The following VPS13C variants were observed in gnomAD, a reference collection of about 807,000 sequenced individuals.
VPS13C encodes intermembrane lipid transfer protein VPS13C.
VPS13C carries 358 observed loss-of-function variants against 456.8 expected under a neutral mutation model. The observed-to-expected ratio is 0.78, with a 90% CI of 0.72 to 0.86. The LOEUF (loss-of-function observed/expected upper bound fraction) is 0.86. Among genes scored for constraint, VPS13C ranks in the 40% least tolerant of loss-of-function variants. VPS13C has a pLI of 0.00. For synonymous variants in VPS13C, 1,578 were observed against 1,486.7 expected (o/e 1.06, Z -1.41); for missense variants, 4,818 against 4,385.4 (o/e 1.10, Z -2.79).
chr15:61,906,942 G>GT (rs1263393235), intron 66 of VPS13C: 3 of 272,412 alleles, frequency 1.1e-5, no homozygotes, highest in African/African-American at 6.7e-5. Context: ...AGTGGCATAG[G>GT]TATGTTCAAA....
At chr15:61,861,044 C>T (rs916478353) in intron 82 of VPS13C, among the ~76,000 whole-genome samples, 1 of 147,878 alleles carries the variant, frequency 6.8e-6, no homozygotes, top group African/African-American at 2.5e-5. Flanking sequence ...TCACTGCAAC[C>T]TTCGCCTCCC....
intron 11 of VPS13C, 48 bp from the exon 12 acceptor site, chr15:62,012,212 T>G: frequency 1.1e-6 from 1 of 887,568 alleles, no homozygotes; most frequent in African/African-American, 2.2e-5. Flanking sequence ...GCACACATAT[T>G]CAGACTCAGA....
Position 62,044,216 on chromosome 15 carries a change from G to A in VPS13C, c.140C>T (p.Ala47Val). 6.8e-7 allele frequency: 1 copy of A among 1,480,150 alleles called. No individual in the cohort carries two copies. Among genetic ancestry groups the A allele is most frequent in the Non-Finnish European group, 9.3e-7 (1 of 1,079,548 alleles). The allele number at this position is 1,480,150 out of a possible 1,614,324, so 91.7% of individuals were successfully genotyped here. The change falls in exon 2 of 85, where the codon GCC (alanine) becomes GTC (valine). Residue 47 changes from alanine (A) to valine (V), a missense_variant. By Grantham distance (64) the Ala-to-Val change is moderately conservative. Transcript: ENST00000644861. Reference sequence around the variant, plus strand: ...CATAGTTTAAAAAAAACTTACCAGGGCATTTTCTTTTATCTGTAGATTATC... The same window carrying A: ...CATAGTTTAAAAAAAACTTACCAGGACATTTTCTTTTATCTGTAGATTATC... ...ALDNLQIKEN[A>V]LSELDVPFKV...
At position 61,919,468 on chromosome 15, in the gene VPS13C, G is replaced by C; in HGVS notation, c.7478-19C>G. On this transcript the variant is annotated intron_variant, in intron 57 of 84. Coordinates refer to ENST00000644861, the MANE Select transcript of VPS13C (RefSeq NM_020821.3). ...TGAGGTACTAAGGCAGTGCATAAGT[G>C]AAAAGAATTCCAAATATTAATTTGC... The C allele has an allele frequency of 6.8e-7, 1 of 1,474,946 alleles. No individual in the cohort carries two copies. Among genetic ancestry groups the C allele is most frequent in the Non-Finnish European group, 9.0e-7 (1 of 1,114,332 alleles). 91.4% of individuals were successfully genotyped at this position (1,474,946 alleles called of 1,614,324 possible). A position where few individuals can be genotyped will look rare whatever the true frequency, so the allele number is the denominator to read the frequency against.
intron 81 of VPS13C, chr15:61,865,203 C>T (rs1894456365): frequency 1.0e-6 from 1 of 984,366 alleles, no homozygotes; most frequent in Non-Finnish European, 1.2e-6. Flanking sequence ...GCCCTTTACC[C>T]AGTAATTCAA....
chr15:61,947,185 C>T lies in VPS13C; in HGVS notation c.4876+8G>A, dbSNP rs534925909. 87 of 1,521,028 alleles carry T rather than the reference C, an allele frequency of 5.7e-5. No individual in the cohort carries two copies. The South Asian group carries it at 1.0e-3, about 18-fold the overall frequency. 94.2% of individuals were successfully genotyped at this position (1,521,028 alleles called of 1,614,324 possible). A position where few individuals can be genotyped will look rare whatever the true frequency, so the allele number is the denominator to read the frequency against. On this transcript the variant is annotated splice_region_variant and intron_variant, in intron 43 of 84. Transcript: ENST00000644861. ...CAGAAATACCTACAACAAGAAGTAA[C>T]TACTTACCATGTATTTTAATATCTG...
chr15:61,931,383 G>C, intron 49 of VPS13C, 124 bp from the exon 50 acceptor site: 1 of 939,418 alleles, frequency 1.1e-6, no homozygotes, highest in Non-Finnish European at 1.5e-6. Context: ...AAGTATGAGT[G>C]CTAAAACATC....
intron 16 of VPS13C, 52 bp downstream of exon 16, chr15:62,000,512 A>G: frequency 1.3e-6 from 2 of 1,517,216 alleles, no homozygotes; most frequent in Non-Finnish European, 1.8e-6. Flanking sequence ...CTAGGTTTAA[A>G]AGCGGGCATT....
At chr15:61,854,650 C>G in intron 84 of VPS13C, 92 bp from the exon 85 acceptor site, 1 of 1,303,070 alleles carries the variant, frequency 7.7e-7, no homozygotes, top group African/African-American at 1.5e-5. Flanking sequence ...CTGAAGCTCT[C>G]CAAACAGGAC....
At chr15:61,893,274 C>A (rs1478927887) in intron 66 of VPS13C, among the ~76,000 whole-genome samples, 1 of 152,078 alleles carries the variant, frequency 6.6e-6, no homozygotes, top group East Asian at 1.9e-4. Context: ...TGCAATTTGT[C>A]TGGCAACTGA....
intron 78 of VPS13C, 52 bp from the exon 79 acceptor site, chr15:61,872,086 T>A: frequency 1.3e-6 from 2 of 1,525,126 alleles, no homozygotes; most frequent in Non-Finnish European, 1.8e-6. Flanking sequence ...GTGTTTAATT[T>A]TAAACCAACC....
chr15:62,014,894 G>A (rs1374530075), intron 9 of VPS13C, among the ~76,000 whole-genome samples: 8 of 151,986 alleles, frequency 5.3e-5, no homozygotes, highest in Admixed American at 6.6e-5. Context: ...GAGAAAGAAA[G>A]GTCATATATT....
chr15:61,941,804 A>T lies in VPS13C; in HGVS notation c.5412T>A (p.Ile1804=), dbSNP rs759511868. The part of the protein sequence containing the change: ...PMEHYSLPPV[I]DKMNIELTQL... ...GAGTGAGTTCGATGTTCATTTTATC[A>T]ATGACTGGAGGAAGAGAATAATGTT... The change falls in exon 46 of 85, where the codon ATT becomes ATA. Residue 1804 remains isoleucine (I), a synonymous_variant. Coordinates refer to ENST00000644861, the MANE Select transcript of VPS13C (RefSeq NM_020821.3). 1 of 1,613,260 alleles carries T rather than the reference A, an allele frequency of 6.2e-7. No homozygotes were observed. Among genetic ancestry groups the T allele is most frequent in the East Asian group, 2.2e-5 (1 of 44,870 alleles).
intron 56 of VPS13C, 33 bp from the exon 57 acceptor site, chr15:61,920,364 T>G: frequency 6.5e-7 from 1 of 1,533,050 alleles, no homozygotes; most frequent in Non-Finnish European, 8.8e-7. Flanking sequence ...AGTAAAATTT[T>G]TGAAAAACAT....
chr15:61,941,619 C>T (rs1162552463), intron 46 of VPS13C, 144 bp downstream of exon 46: 4 of 838,888 alleles, frequency 4.8e-6, no homozygotes, highest in Non-Finnish European at 1.8e-6. Flanking sequence ...TAACCACTGA[C>T]CAAGAAGCCA....
At chr15:62,056,409 G>C (rs910422635) in intron 1 of VPS13C, among the ~76,000 whole-genome samples, 5 of 152,358 alleles carry the variant, frequency 3.3e-5, no homozygotes, top group South Asian at 2.1e-4. Flanking sequence ...GAAGACAAGA[G>C]TGCGAGCCTT....
intron 66 of VPS13C, among the ~76,000 whole-genome samples, chr15:61,894,529 T>C (rs990252946): frequency 7.3e-5 from 11 of 150,668 alleles, no homozygotes; most frequent in East Asian, 3.9e-4. Flanking sequence ...CGTGAAGGGA[T>C]AGAAGAAGAT....
chr15:62,012,914 T>G, intron 11 of VPS13C, 125 bp downstream of exon 11: 1 of 549,476 alleles, frequency 1.8e-6, no homozygotes, highest in Non-Finnish European at 3.0e-6. Flanking sequence ...TTTTTCATAT[T>G]TCTGATTTAG....
At chr15:62,008,193 C>T (rs998976247) in intron 14 of VPS13C, among the ~76,000 whole-genome samples, 5 of 151,704 alleles carry the variant, frequency 3.3e-5, no homozygotes, top group African/African-American at 1.2e-4. Context: ...ATCGCGTCAC[C>T]GCACCCCAGC....
Sources: gnomAD v4.1 joint callset for allele counts (sites outside exome capture counted in the v4.1 genomes callset) on GRCh38, gnomAD v4.1.1 for gene constraint, MANE v1.5 for transcripts, NCBI Gene and HGNC (gene_info 2026-07-23, HGNC 2026-07-21) for gene names.